PCSK7: variants seen among roughly 807,000 people sequenced by gnomAD.
The protein encoded by PCSK7 is lymphoma proprotein convertase.
Under a neutral mutation model 73.3 loss-of-function variants are expected in PCSK7, and 38 were observed. That is an observed-to-expected ratio of 0.52 (90% CI 0.40 to 0.68). The LOEUF (loss-of-function observed/expected upper bound fraction) is 0.68, where lower values mean the gene tolerates loss of function less well. PCSK7 is among the 30% of genes least tolerant of loss of function. PCSK7 has a pLI of 0.00. For missense variants in PCSK7, 692 were observed against 991.5 expected, an observed-to-expected ratio of 0.70 and a Z score of 4.06; for synonymous variants, 296 against 383.8, an observed-to-expected ratio of 0.77 and a Z score of 2.68.
rs769290348 is a variant in PCSK7 at position 117,224,764 on chromosome 11, A to G, written c.861-9T>C. 8 of 1,610,154 alleles carry G rather than the reference A, an allele frequency of 5.0e-6. No homozygotes were observed. The highest frequency in any genetic ancestry group is 6.8e-6 in the Non-Finnish European group (8 of 1,176,804). On this transcript the variant is annotated splice_polypyrimidine_tract_variant and intron_variant, in intron 6 of 16. Coordinates refer to ENST00000320934, the MANE Select transcript of PCSK7 (RefSeq NM_004716.4). Reference sequence around the variant, plus strand: ...CGTCATCTGGTCCCCAGCTGTTGAGAAATAAATACCTAGAGGGGACAGCCA... The same window carrying G: ...CGTCATCTGGTCCCCAGCTGTTGAGGAATAAATACCTAGAGGGGACAGCCA...
intron 12 of PCSK7, chr11:117,215,364 T>TTTTTTTGTGTGTGTGTGTG (rs57433360): frequency 1.2e-5 from 1 of 84,920 alleles, no homozygotes; most frequent in African/African-American, 7.5e-5. Context: ...CCTGGCTAAT[T>TTTTTTTGTGTGTGTGTGTG]TGTGTGTGTG....
chr11:117,216,432 A>ATTTTTTTTTTTTTTTTTTTTT (rs761129566), intron 12 of PCSK7: 2 of 115,824 alleles, frequency 1.7e-5, no homozygotes, highest in Non-Finnish European at 3.3e-5. Context: ...CTCAACTCTC[A>ATTTTTTTTTTTTTTTTTTTTT]ATTTTTTTTT....
At chr11:117,223,707 G>A (rs758212694) in intron 8 of PCSK7, 4 of 346,710 alleles carry the variant, frequency 1.2e-5, no homozygotes, top group African/African-American at 2.1e-5. Context: ...TAGAAGTCAG[G>A]TAAGTAAATA....
At position 117,204,693 on chromosome 11, in the gene PCSK7, C is replaced by T; in HGVS notation, c.*1304G>A. The T allele has an allele frequency of 4.9e-6, 2 of 406,722 alleles. No homozygotes were observed. Among genetic ancestry groups the T allele is most frequent in the Non-Finnish European group, 9.3e-6 (2 of 215,616 alleles). The allele number at this position is 406,722 out of a possible 1,614,324, so 25.2% of individuals were successfully genotyped here. Reference sequence around the variant, plus strand: ...CCACTGTCCTCCTTGGCGGCAAAAGCCCATTGAAGAAGAACCAGCCCAGCC... The same window carrying T: ...CCACTGTCCTCCTTGGCGGCAAAAGTCCATTGAAGAAGAACCAGCCCAGCC... On this transcript the variant is annotated 3_prime_UTR_variant, in exon 17 of 17. Coordinates refer to ENST00000320934, the MANE Select transcript of PCSK7 (RefSeq NM_004716.4).
chr11:117,218,991 G>T lies in PCSK7; in HGVS notation c.1431+66C>A, dbSNP rs2134311028. ...GCACCTATGATATCCCAGGCAGTTTGGGGCATTCAGCTCCGACCCTTGGTC... is the reference window on the plus strand; with the variant it reads ...GCACCTATGATATCCCAGGCAGTTTTGGGCATTCAGCTCCGACCCTTGGTC... On this transcript the variant is annotated intron_variant, in intron 11 of 16. Coordinates refer to ENST00000320934, the MANE Select transcript of PCSK7 (RefSeq NM_004716.4). The surrounding 1 kb of genome is among the most constrained non-coding windows in gnomAD (Gnocchi z 4.0). The T allele has an allele frequency of 2.0e-6, 2 of 1,015,400 alleles. No homozygotes were observed. 62.9% of individuals were successfully genotyped at this position (1,015,400 alleles called of 1,614,324 possible).
rs773542556 is a variant in PCSK7, at chr11:117,218,754, AG to A, written c.1432-187del. On this transcript the variant is annotated intron_variant, in intron 11 of 16. Coordinates refer to ENST00000320934, the MANE Select transcript of PCSK7 (RefSeq NM_004716.4). The surrounding 1 kb of genome is among the most constrained non-coding windows in gnomAD (Gnocchi z 4.0). ...CGCTGGAATGCTCCGTACAGCCCCC[AG>A]CTAAGGAACCAGAGGAAACAGCTGT... 67 of 568,404 alleles carry A rather than the reference AG, an allele frequency of 1.2e-4. No homozygotes were observed. The highest frequency in any genetic ancestry group is 2.0e-4 in the Non-Finnish European group (64 of 319,066). 35.2% of individuals were successfully genotyped at this position (568,404 alleles called of 1,614,324 possible).
In PCSK7 at chr11:117,206,147, T is replaced by C. The variant is rs1409739668; in HGVS notation, c.2208A>G (p.Thr736=). 13 of 1,608,974 alleles carry C rather than the reference T, an allele frequency of 8.1e-6. No homozygotes were observed. In the East Asian group the frequency reaches 1.6e-4, roughly 19 times the overall value. The stretch of plus-strand genomic sequence containing the variant: ...AGGTGGTGGGAGGGCCCCTGCTCTC[T>C]GTTTCCACTTCGTCTGGATCCTTGC... ...CSSKDPDEVE[T]ESRGPPTTSD... The change falls in exon 17 of 17, where the codon ACA becomes ACG. Residue 736 remains threonine (T), a synonymous_variant. Transcript: ENST00000320934.
chr11:117,229,897 T>G (rs2032579072), intron 2 of PCSK7, 41 bp from the exon 3 acceptor site: 2 of 1,215,374 alleles, frequency 1.6e-6, no homozygotes, highest in Non-Finnish European at 2.3e-6. Flanking sequence ...ATCAAAGAGC[T>G]GGTAACTGCA....
In PCSK7 at chr11:117,224,700, C is replaced by T; in HGVS notation, c.915+1G>A. 6.2e-7 allele frequency: 1 copy of T among 1,612,590 alleles called. No homozygotes were observed. The highest frequency in any genetic ancestry group is 8.5e-7 in the Non-Finnish European group (1 of 1,178,640). ...TCAGAGTCTTTGTGCAGGCCAGTTA[C>T]CTTTCCAAGCTGATGGGGGCCATCC... is the stretch of plus-strand genomic sequence containing the variant. On this transcript the variant is annotated splice_donor_variant, in intron 7 of 16. Transcript: ENST00000320934. LOFTEE classifies it high-confidence loss of function.
Position 117,206,213 on chromosome 11 carries a change from C to G in PCSK7, c.2142G>C (p.Lys714Asn), listed in dbSNP as rs2031369078. The G allele has an allele frequency of 6.2e-7, 1 of 1,614,028 alleles. No individual in the cohort carries two copies. The highest frequency in any genetic ancestry group is 2.2e-5 in the East Asian group (1 of 44,892). The change falls in exon 17 of 17, where the codon AAG (lysine) becomes AAC (asparagine). Residue 714 changes from lysine (K) to asparagine (N), a missense_variant. Physicochemically the swap from Lys to Asn is moderately conservative, Grantham distance 94. Coordinates refer to ENST00000320934, the MANE Select transcript of PCSK7 (RefSeq NM_004716.4). ...CHWPHRSRKA[K>N]EEGTELESVP... ...CTGATTCTAGCTCTGTCCCTTCCTC[C>G]TTGGCTTTCCGGCTCCGATGGGGCC... is the stretch of plus-strand genomic sequence containing the variant.
intron 12 of PCSK7, chr11:117,209,901 T>TA (rs2031639875): frequency 6.6e-6 from 1 of 152,538 alleles, no homozygotes; most frequent in African/African-American, 2.4e-5. Flanking sequence ...TAGGTGATGT[T>TA]AATTGAAGTA....
intron 5 of PCSK7, chr11:117,226,818 C>T (rs538583856): frequency 4.1e-5 from 9 of 220,096 alleles, no homozygotes; most frequent in African/African-American, 1.9e-4. Flanking sequence ...GAGAGCAGCC[C>T]GTGACCATCA....
At chr11:117,231,379 C>G (rs555847043) in intron 1 of PCSK7, among the ~76,000 whole-genome samples, 13 of 152,292 alleles carry the variant, frequency 8.5e-5, no homozygotes, top group Non-Finnish European at 1.8e-4. Flanking sequence ...TCCCTCCCTG[C>G]CCCCGGGAGC....
rs1041644030 is a variant in PCSK7 at position 117,227,232 on chromosome 11, A to G, written c.694T>C (p.Cys232Arg). The G allele has an allele frequency of 3.7e-6, 6 of 1,613,734 alleles. No individual in the cohort carries two copies. Among genetic ancestry groups the G allele is most frequent in the African/African-American group, 1.3e-5 (1 of 74,918 alleles). ...GGCACAGCCGCGATCTCTCCTGCAC[A>G]TCGCGTGCCATGGTGGTTGCCATTC... ...VENGNHHGTR[C>R]AGEIAAVPNN... Residue 232 changes from cysteine (C) to arginine (R), a missense_variant, in exon 5 of 17, where the codon TGT becomes CGT. Cys to Arg is a radical substitution (Grantham distance 180). Transcript: ENST00000320934.
chr11:117,204,486 T>C lies in PCSK7; in HGVS notation c.*1511A>G. The C allele has an allele frequency of 2.1e-6, 3 of 1,414,990 alleles. No individual in the cohort carries two copies. Among genetic ancestry groups the C allele is most frequent in the Non-Finnish European group, 2.9e-6 (3 of 1,021,112 alleles). The allele number at this position is 1,414,990 out of a possible 1,614,324, so 87.7% of individuals were successfully genotyped here. ...TGGCCAAGCTTTGAGGCTCTGTCAC[T>C]GAGCAATGGTAACTGCACCTGGGCA... is the stretch of plus-strand genomic sequence containing the variant. On this transcript the variant is annotated 3_prime_UTR_variant, in exon 17 of 17. Transcript: ENST00000320934.
chr11:117,220,058 A>C, intron 9 of PCSK7: 1 of 223,256 alleles, frequency 4.5e-6, no homozygotes. Flanking sequence ...CCTTTGTTAG[A>C]GCTGAATCTT....
intron 12 of PCSK7, chr11:117,217,371 G>T (rs1380192499): frequency 6.6e-6 from 1 of 152,200 alleles, no homozygotes; most frequent in South Asian, 2.1e-4. Flanking sequence ...AAAGCCAGGG[G>T]CTTCCAAATG....
Position 117,205,543 on chromosome 11 carries a change from A to G in PCSK7, c.*454T>C, listed in dbSNP as rs532916499. The stretch of plus-strand genomic sequence containing the variant: ...ATGGATAATGGAGGCAGCCGCTTTC[A>G]GGACAGGCATGTCCAGGGGCTCCTC... On this transcript the variant is annotated 3_prime_UTR_variant, in exon 17 of 17. Transcript: ENST00000320934. The G allele has an allele frequency of 7.3e-4, 172 of 236,090 alleles. 1 individual carries two copies. The highest frequency in any genetic ancestry group is 1.2e-3 in the Non-Finnish European group (139 of 119,888). 14.6% of individuals were successfully genotyped at this position (236,090 alleles called of 1,614,324 possible).
At chr11:117,226,496 AAT>A (rs1321553169) in intron 5 of PCSK7, 9 of 162,298 alleles carry the variant, frequency 5.5e-5, no homozygotes, top group East Asian at 1.7e-4. Flanking sequence ...CCACCAAAAA[AAT>A]ATATATATAG....
Sources: gnomAD v4.1 joint callset for allele counts (sites outside exome capture counted in the v4.1 genomes callset) on GRCh38, gnomAD v4.1.1 for gene constraint, Gnocchi (gnomAD v3.1) non-coding constraint, MANE v1.5 for transcripts, NCBI Gene and HGNC (gene_info 2026-07-23, HGNC 2026-07-21) for gene names.